The following DMD variants were observed in gnomAD, a reference collection of about 807,000 sequenced individuals.
DMD encodes the protein mutant dystrophin.
A neutral mutation model predicts 330.1 loss-of-function variants in DMD; 63 were observed. The ratio of observed to expected loss-of-function variants is 0.19; its 90% CI spans 0.16 to 0.24. The LOEUF is 0.24. Ranked by LOEUF, DMD falls within the 10% of genes least tolerant of loss-of-function variation. The pLI is 1.00. For missense variants in DMD, 3,344 were observed against 2,684.1 expected (o/e 1.25, Z -5.43); for synonymous variants, 1,223 against 959.8 (o/e 1.27, Z -5.07).
intron 42 of DMD, among the ~76,000 whole-genome samples, chrX:32,306,897 A>G (rs915133392): frequency 4.5e-5 from 5 of 111,288 alleles, no homozygotes; most frequent in African/African-American, 1.6e-4. Context: ...AAGGTAAAGC[A>G]TAGTTGTCAT....
chrX:32,016,230 T>C (rs1240175847), intron 44 of DMD, among the ~76,000 whole-genome samples: 2 of 111,945 alleles, frequency 1.8e-5, no homozygotes, highest in African/African-American at 6.5e-5. Context: ...TTATACTCTA[T>C]TTCACCTTAA....
At position 31,547,225 on chromosome X, in the gene DMD, C is replaced by T. The variant is rs192772641; in HGVS notation, c.8218-39772G>A. On this transcript the variant is annotated intron_variant, in intron 55 of 78. Transcript: ENST00000357033. ...CTGGGAAGATTAATAGCTTTCAATT[C>T]ATACAAAGACTGAAGTCTACAATTT... 2.7e-5 allele frequency among the ~76,000 whole-genome samples: 3 copies of T among 112,025 alleles called. No homozygotes were observed. In the East Asian group the frequency reaches 8.4e-4, roughly 31 times the overall value.
intron 49 of DMD, among the ~76,000 whole-genome samples, chrX:31,820,976 G>A (rs10521980): frequency 0.11 from 12,550 of 112,253 alleles, 600 homozygotes; most frequent in East Asian, 0.23. Context: ...ACAGTAGGCC[G>A]TCCTGAGCTG....
intron 55 of DMD, 47 bp downstream of exon 55, chrX:31,627,626 G>C (rs1186252354): frequency 8.5e-7 from 1 of 1,173,130 alleles, no homozygotes; most frequent in Non-Finnish European, 1.2e-6. Context: ...GCTGAGAATT[G>C]TTCAATTGGA....
rs770543180 is a variant in DMD, at chrX:32,429,055, T to C, written c.4071+9186A>G. On this transcript the variant is annotated intron_variant, in intron 29 of 78. Transcript: ENST00000357033. ...ATCCTTTTCGGAAAATCTGTTTCCA[T>C]TTTCGATATATGTGTCTTTATGTAT... 2.5e-3 allele frequency among the ~76,000 whole-genome samples: 275 copies of C among 111,479 alleles called. 1 individual carries two copies. The highest frequency in any genetic ancestry group is 8.6e-3 in the African/African-American group (265 of 30,704).
At chrX:32,760,942 C>T (rs2072200697) in intron 7 of DMD, among the ~76,000 whole-genome samples, 1 of 111,134 alleles carries the variant, frequency 9.0e-6, no homozygotes, top group Non-Finnish European at 1.9e-5. Flanking sequence ...CTTGCTATTT[C>T]ACCTGGAATG....
intron 57 of DMD, among the ~76,000 whole-genome samples, chrX:31,486,006 A>C (rs746050401): frequency 6.9e-4 from 77 of 112,277 alleles, no homozygotes; most frequent in African/African-American, 2.3e-3. Context: ...GGCTGCAGTG[A>C]TCCAGAAAAG....
At chrX:32,748,254 G>C (rs1034575967) in intron 7 of DMD, among the ~76,000 whole-genome samples, 1 of 107,083 alleles carries the variant, frequency 9.3e-6, no homozygotes, top group African/African-American at 3.5e-5. Context: ...TGAGGCAGGA[G>C]AATTGCTTGA....
intron 44 of DMD, among the ~76,000 whole-genome samples, chrX:32,051,235 T>C (rs1223346301): frequency 1.8e-5 from 2 of 110,859 alleles, no homozygotes; most frequent in Admixed American, 9.7e-5. Context: ...CTTCTGTGTC[T>C]AGTCATCTCT....
At chrX:31,926,414 C>A (rs191105430) in intron 47 of DMD, among the ~76,000 whole-genome samples, 10 of 111,666 alleles carry the variant, frequency 9.0e-5, no homozygotes, top group Non-Finnish European at 1.9e-5. Context: ...CGGTGGCTCA[C>A]ACCTGTAATC....
intron 17 of DMD, among the ~76,000 whole-genome samples, chrX:32,522,124 A>G (rs185006488): frequency 8.9e-6 from 1 of 112,063 alleles, no homozygotes; most frequent in African/African-American, 3.2e-5. Flanking sequence ...CAGCAAACCA[A>G]CTAAAACCCT....
intron 2 of DMD, among the ~76,000 whole-genome samples, chrX:32,949,529 T>A (rs1239861282): frequency 9.0e-6 from 1 of 111,035 alleles, no homozygotes; most frequent in East Asian, 2.8e-4. Context: ...TCCTTACACA[T>A]AAATATGAAC....
chrX:32,978,889 C>T (rs12836405), intron 2 of DMD, among the ~76,000 whole-genome samples: 3,301 of 112,227 alleles, frequency 0.029, 87 homozygotes, highest in East Asian at 0.17. Context: ...TTGAAGAACT[C>T]ATTGTAACTA....
intron 43 of DMD, among the ~76,000 whole-genome samples, chrX:32,226,560 A>T (rs970417888): frequency 9.8e-5 from 11 of 111,987 alleles, no homozygotes; most frequent in African/African-American, 3.6e-4. Context: ...TTCCTGGTAC[A>T]TGATAAATGT....
At chrX:32,085,675 C>T (rs774631577) in intron 44 of DMD, among the ~76,000 whole-genome samples, 20 of 55,231 alleles carry the variant, frequency 3.6e-4, no homozygotes, top group African/African-American at 5.8e-4. Flanking sequence ...TATATATACA[C>T]ACGCGTATAT....
intron 1 of DMD, among the ~76,000 whole-genome samples, chrX:33,092,021 T>A (rs1295065094): frequency 2.7e-5 from 3 of 111,931 alleles, no homozygotes; most frequent in South Asian, 3.7e-4. Context: ...TAATAGCTGA[T>A]TTTTTTAAGA....
chrX:32,018,647 T>C (rs966767812), intron 44 of DMD, among the ~76,000 whole-genome samples: 1 of 111,834 alleles, frequency 8.9e-6, no homozygotes, highest in African/African-American at 3.2e-5. Flanking sequence ...TAACACTTAC[T>C]GTCTCATTTA....
intron 1 of DMD, among the ~76,000 whole-genome samples, chrX:33,237,255 T>G (rs752275079): frequency 2.0e-5 from 2 of 101,948 alleles, no homozygotes; most frequent in Non-Finnish European, 4.0e-5. Context: ...TCTCTCTTTT[T>G]TTTTTGAAAT....
At chrX:31,145,073 C>A (rs1164665006) in intron 76 of DMD, among the ~76,000 whole-genome samples, 1 of 112,076 alleles carries the variant, frequency 8.9e-6, no homozygotes, top group Non-Finnish European at 1.9e-5. Flanking sequence ...CCAACTTTTG[C>A]CTAAGGCTTC....
Sources: allele counts gnomAD v4.1 joint callset (sites outside exome capture counted in the v4.1 genomes callset), GRCh38; gene constraint gnomAD v4.1.1; transcripts MANE v1.5; gene names NCBI Gene and HGNC (gene_info 2026-07-23, HGNC 2026-07-21).